Variants in HS2ST1 observed in about 807,000 individuals in gnomAD.
HS2ST1 encodes 2-O-sulfotransferase.
Under a neutral mutation model 42.9 loss-of-function variants are expected in HS2ST1, and 18 were observed. That is an observed-to-expected ratio of 0.42 (90% CI 0.29 to 0.62). The LOEUF is 0.62. Ranked by LOEUF, HS2ST1 falls within the 20% of genes least tolerant of loss-of-function variation. HS2ST1 has a pLI of 0.21. For missense variants in HS2ST1, 334 were observed against 433.8 expected (o/e 0.77, Z 2.04); for synonymous variants, 146 against 152.9 (o/e 0.95, Z 0.33).
At chr1:87,048,442 G>A (rs552758192) in intron 1 of HS2ST1, among the ~76,000 whole-genome samples, 129 of 152,288 alleles carry the variant, frequency 8.5e-4, no homozygotes, top group African/African-American at 3.1e-3. Flanking sequence ...TAAAACTGAT[G>A]AGGGTGGACA....
At chr1:87,066,392 C>T (rs1003492527) in intron 1 of HS2ST1, among the ~76,000 whole-genome samples, 6 of 152,056 alleles carry the variant, frequency 3.9e-5, no homozygotes, top group African/African-American at 9.7e-5. Flanking sequence ...CATTGCACCC[C>T]GTGTGATCTG....
intron 1 of HS2ST1, among the ~76,000 whole-genome samples, chr1:86,918,398 A>G (rs2102150206): frequency 6.6e-6 from 1 of 152,190 alleles, no homozygotes; most frequent in East Asian, 1.9e-4. Context: ...AATATTCCAA[A>G]GTATGCATGT....
At chr1:87,050,767 T>C (rs1650810320) in intron 1 of HS2ST1, among the ~76,000 whole-genome samples, 1 of 152,138 alleles carries the variant, frequency 6.6e-6, no homozygotes, top group South Asian at 2.1e-4. Flanking sequence ...TCAGAAATCA[T>C]GGTCCTGCCC....
chr1:86,923,589 G>A (rs1424798503), intron 1 of HS2ST1, among the ~76,000 whole-genome samples: 1 of 152,072 alleles, frequency 6.6e-6, no homozygotes. Context: ...GTAGAGATGG[G>A]GTTTCACTGT....
At chr1:87,039,551 A>G (rs1650469683) in intron 1 of HS2ST1, among the ~76,000 whole-genome samples, 1 of 152,206 alleles carries the variant, frequency 6.6e-6, no homozygotes, top group South Asian at 2.1e-4. Context: ...CTTATTCATT[A>G]TTATTACTTG....
intron 2 of HS2ST1, among the ~76,000 whole-genome samples, chr1:87,080,050 A>G (rs1245672308): frequency 2.6e-5 from 4 of 152,102 alleles, no homozygotes; most frequent in Non-Finnish European, 5.9e-5. Flanking sequence ...ATTCTGTCTC[A>G]AGAAAGAAAA....
chr1:87,077,408 C>A (rs1651573649), intron 2 of HS2ST1, among the ~76,000 whole-genome samples: 1 of 152,170 alleles, frequency 6.6e-6, no homozygotes, highest in South Asian at 2.1e-4. Flanking sequence ...CTTATCCTTT[C>A]CTCTTAGAAT....
chr1:86,941,390 C>A lies in HS2ST1; in HGVS notation c.124+26230C>A, dbSNP rs1366026890. ...AGGTTGAGAGACAAAGCAATTATAC[C>A]ATTTTCTCCCCAATTATTTACTTAA... On this transcript the variant is annotated intron_variant, in intron 1 of 6. Coordinates refer to ENST00000370550, the MANE Select transcript of HS2ST1 (RefSeq NM_012262.4). Among the ~76,000 whole-genome samples the A allele has an allele frequency of 2.0e-5, 3 of 152,018 alleles. No individual in the cohort carries two copies. The South Asian group carries it at 6.2e-4, about 32-fold the overall frequency.
chr1:87,004,751 G>T (rs1649387958), intron 1 of HS2ST1, among the ~76,000 whole-genome samples: 1 of 152,182 alleles, frequency 6.6e-6, no homozygotes, highest in African/African-American at 2.4e-5. Context: ...CACTAAAGGT[G>T]CTATAGAGCT....
chr1:87,073,988 G>A (rs1357272374), intron 2 of HS2ST1, among the ~76,000 whole-genome samples: 1 of 152,194 alleles, frequency 6.6e-6, no homozygotes, highest in Admixed American at 6.5e-5. Flanking sequence ...TTATCTGTTT[G>A]AAAGCAGTGA....
chr1:87,025,783 C>G (rs1650071457), intron 1 of HS2ST1, among the ~76,000 whole-genome samples: 1 of 152,140 alleles, frequency 6.6e-6, no homozygotes, highest in Non-Finnish European at 1.5e-5. Flanking sequence ...TCATGAATCT[C>G]TAGGAAACCT....
chr1:86,921,791 A>G (rs1660305762), intron 1 of HS2ST1, among the ~76,000 whole-genome samples: 2 of 152,172 alleles, frequency 1.3e-5, no homozygotes, highest in Non-Finnish European at 2.9e-5. Context: ...TTGTTATAGT[A>G]CCACACAATG....
intron 1 of HS2ST1, among the ~76,000 whole-genome samples, chr1:86,936,583 T>G (rs1056280814): frequency 3.9e-5 from 6 of 152,246 alleles, no homozygotes; most frequent in Non-Finnish European, 7.3e-5. Context: ...ATATTATTCC[T>G]GTTTACAGGT....
intron 1 of HS2ST1, among the ~76,000 whole-genome samples, chr1:86,916,628 G>A (rs1038644423): frequency 6.6e-6 from 1 of 152,130 alleles, no homozygotes; most frequent in Non-Finnish European, 1.5e-5. Context: ...TTATTAATAT[G>A]TATCTTGTGT....
At chr1:87,099,641 A>G (rs1310101391) in intron 5 of HS2ST1, among the ~76,000 whole-genome samples, 1 of 152,184 alleles carries the variant, frequency 6.6e-6, no homozygotes, top group Admixed American at 6.5e-5. Context: ...TGTCTTTCTT[A>G]TATTTCAAAA....
At chr1:87,004,643 A>G (rs1039528742) in intron 1 of HS2ST1, among the ~76,000 whole-genome samples, 1 of 152,182 alleles carries the variant, frequency 6.6e-6, no homozygotes, top group African/African-American at 2.4e-5. Context: ...GTTTGAGTGT[A>G]TTCCCTGAAC....
chr1:87,009,296 G>T (rs1649525877), intron 1 of HS2ST1, among the ~76,000 whole-genome samples: 2 of 152,092 alleles, frequency 1.3e-5, no homozygotes, highest in African/African-American at 4.8e-5. Context: ...CTTCTTTCCA[G>T]TAATCTTTGG....
intron 3 of HS2ST1, among the ~76,000 whole-genome samples, chr1:87,089,161 A>C (rs1169399644): frequency 6.6e-6 from 1 of 151,962 alleles, no homozygotes; most frequent in Non-Finnish European, 1.5e-5. Flanking sequence ...ATTGTTGTTC[A>C]TTTGCATATT....
intron 1 of HS2ST1, among the ~76,000 whole-genome samples, chr1:87,028,564 T>C (rs1270127213): frequency 1.3e-5 from 2 of 152,236 alleles, no homozygotes; most frequent in Admixed American, 1.3e-4. Flanking sequence ...AACATTGTTT[T>C]ATTTACCAGG....
Sources: allele counts gnomAD v4.1 joint callset (sites outside exome capture counted in the v4.1 genomes callset), GRCh38; gene constraint gnomAD v4.1.1; transcripts MANE v1.5; gene names NCBI Gene and HGNC (gene_info 2026-07-23, HGNC 2026-07-21).